The following KDM4C variants were observed in gnomAD, a reference collection of about 807,000 sequenced individuals.
KDM4C encodes the protein lysine-specific demethylase 4C.
In KDM4C, 81 loss-of-function variants were observed where a neutral mutation model predicts 129.3. The ratio of observed to expected loss-of-function variants is 0.63; its 90% confidence interval spans 0.52 to 0.75. The LOEUF (loss-of-function observed/expected upper bound fraction) is 0.75. Ranked by LOEUF, KDM4C falls within the 30% of genes least tolerant of loss-of-function variation. The pLI is 0.00. For synonymous variants in KDM4C, 573 were observed against 456.1 expected, an observed-to-expected ratio of 1.26 and a Z score of -3.26; for missense variants, 1,457 against 1,304.0, an observed-to-expected ratio of 1.12 and a Z score of -1.81.
chr9:6,805,711 A>G lies in KDM4C; in HGVS notation c.257A>G (p.Gln86Arg). 1 of 1,614,176 alleles carries G rather than the reference A, an allele frequency of 6.2e-7. No individual in the cohort carries two copies. Among genetic ancestry groups the G allele is most frequent in the Non-Finnish European group, 8.5e-7 (1 of 1,180,020 alleles). The change falls in exon 3 of 22, where the codon CAG becomes CGG. Residue 86 changes from glutamine (Q) to arginine (R), a missense_variant. Physicochemically the swap from Gln to Arg is conservative, Grantham distance 43. Coordinates refer to ENST00000381309, the MANE Select transcript of KDM4C (RefSeq NM_015061.6). ...MVTGQSGLFTQYNIQKKAMTV... is the reference protein window; with the variant it reads ...MVTGQSGLFTRYNIQKKAMTV... ...ACAGGGCAGTCAGGACTGTTCACTC[A>G]GTACAACATCCAGAAAAAAGCGATG...
intron 4 of KDM4C, among the ~76,000 whole-genome samples, chr9:6,844,135 G>A (rs138777906): frequency 7.2e-5 from 11 of 152,094 alleles, no homozygotes; most frequent in South Asian, 2.1e-4. Context: ...TCATTTTTAC[G>A]TACTTTTAAA....
At chr9:6,887,122 C>G (rs1244106282) in intron 6 of KDM4C, among the ~76,000 whole-genome samples, 2 of 152,146 alleles carry the variant, frequency 1.3e-5, no homozygotes, top group African/African-American at 4.8e-5. Flanking sequence ...CTGTCTTTTC[C>G]TTGTTTCTTG....
At position 6,926,341 on chromosome 9, in the gene KDM4C, T is replaced by TAAAA. The variant is rs33974740; in HGVS notation, c.921+33120_921+33123dup. Among the ~76,000 whole-genome samples the TAAAA allele has an allele frequency of 2.8e-3, 300 of 107,386 alleles. 5 individuals are homozygous for TAAAA. The highest frequency in any genetic ancestry group is 0.02 in the South Asian group (57 of 2,786). 70.4% of individuals were successfully genotyped at this position (107,386 alleles called of 152,430 possible). The stretch of plus-strand genomic sequence containing the variant: ...GAAGCAGTTGTAGAGAGATAATTTG[T>TAAAA]AAAAAAAAAAAAAAGGACCAAAATA... On this transcript the variant is annotated intron_variant, in intron 8 of 21. Transcript: ENST00000381309.
Position 6,893,136 on chromosome 9 carries a change from T to C in KDM4C, c.825T>C (p.Tyr275=), listed in dbSNP as rs753924625. ...EAGEFMITFP[Y]GYHAGFNHGF... Reference sequence around the variant, plus strand: ...GAGAATTCATGATCACTTTCCCATATGGCTACCATGCTGGTTTTAATCATG... The same window carrying C: ...GAGAATTCATGATCACTTTCCCATACGGCTACCATGCTGGTTTTAATCATG... Residue 275 remains tyrosine (Y), a synonymous_variant, in exon 8 of 22, where the codon TAT becomes TAC. Coordinates refer to ENST00000381309, the MANE Select transcript of KDM4C (RefSeq NM_015061.6). 1.9e-6 allele frequency: 3 copies of C among 1,601,184 alleles called. No individual in the cohort carries two copies. The highest frequency in any genetic ancestry group is 8.5e-7 in the Non-Finnish European group (1 of 1,173,334).
chr9:6,805,889 T>C, intron 3 of KDM4C, 115 bp downstream of exon 3: 1 of 910,804 alleles, frequency 1.1e-6, no homozygotes, highest in Non-Finnish European at 1.6e-6. Flanking sequence ...CCATGCAATT[T>C]TTCACCCTTC....
At chr9:7,041,046 T>C (rs1828513825) in intron 15 of KDM4C, among the ~76,000 whole-genome samples, 1 of 151,688 alleles carries the variant, frequency 6.6e-6, no homozygotes, top group Non-Finnish European at 1.5e-5. Context: ...TCCCTAGATC[T>C]GTATTGGTTT....
In KDM4C at chr9:6,734,718, A is replaced by T. The variant is rs368190440; in HGVS notation, c.49+13721A>T. On this transcript the variant is annotated intron_variant, in intron 1 of 17. Coordinates refer to the KDM4C transcript ENST00000536108. ...TTATGGCTTCCTGAGTCAAAATAGG[A>T]TTTTTTCTGTGTCCTGAGGATGTGA... 8.5e-5 allele frequency: 26 copies of T among 304,768 alleles called. No individual in the cohort carries two copies. The East Asian group carries it at 1.2e-3, about 15-fold the overall frequency. 18.9% of individuals were successfully genotyped at this position (304,768 alleles called of 1,614,324 possible).
intron 1 of KDM4C, among the ~76,000 whole-genome samples, chr9:6,744,176 T>A (rs116192566): frequency 0.058 from 8,720 of 151,618 alleles, 865 homozygotes; most frequent in African/African-American, 0.2. Flanking sequence ...TGGAAAAAAA[T>A]TATTTCCAAA....
chr9:6,876,923 C>G (rs1843651650), intron 5 of KDM4C, among the ~76,000 whole-genome samples: 1 of 152,170 alleles, frequency 6.6e-6, no homozygotes, highest in Non-Finnish European at 1.5e-5. Flanking sequence ...AATCTATCAT[C>G]CGACATCAGG....
intron 17 of KDM4C, among the ~76,000 whole-genome samples, chr9:7,072,169 C>T (rs1045700273): frequency 1.3e-5 from 2 of 152,112 alleles, no homozygotes; most frequent in South Asian, 2.1e-4. Flanking sequence ...GTGATGCTGA[C>T]GTTTAGCAAC....
chr9:6,925,210 C>A (rs988876815), intron 8 of KDM4C: 1 of 985,256 alleles, frequency 1.0e-6, no homozygotes, highest in East Asian at 1.1e-4. Context: ...GGCGATACAG[C>A]TCATGTGAGA....
At position 6,896,488 on chromosome 9, in the gene KDM4C, TAA is replaced by T. The variant is rs1491186095; in HGVS notation, c.921+3260_921+3261del. On this transcript the variant is annotated intron_variant, in intron 8 of 21. Coordinates refer to ENST00000381309, the MANE Select transcript of KDM4C (RefSeq NM_015061.6). ...ACACTATGAAATATATATATATATA[TAA>T]AAATATAATTTTGTGTAATACAAAC... Among the ~76,000 whole-genome samples the T allele has an allele frequency of 4.0e-3, 608 of 150,748 alleles. 3 individuals are homozygous for T. The highest frequency in any genetic ancestry group is 0.014 in the African/African-American group (577 of 41,270).
chr9:6,990,760 G>C (rs1334362838), intron 12 of KDM4C, among the ~76,000 whole-genome samples: 1 of 152,098 alleles, frequency 6.6e-6, no homozygotes, highest in African/African-American at 2.4e-5. Context: ...TTATGTCATG[G>C]GGTAAAATCA....
At chr9:7,018,552 C>T (rs1401428710) in intron 15 of KDM4C, among the ~76,000 whole-genome samples, 2 of 152,150 alleles carry the variant, frequency 1.3e-5, no homozygotes, top group Non-Finnish European at 2.9e-5. Context: ...ATCTCCTTCG[C>T]CCTGAATCAT....
intron 4 of KDM4C, among the ~76,000 whole-genome samples, chr9:6,837,596 A>G (rs2129696985): frequency 6.6e-6 from 1 of 152,326 alleles, no homozygotes; most frequent in East Asian, 1.9e-4. Context: ...TCTGATTAAA[A>G]ATGGCTTAGA....
intron 8 of KDM4C, among the ~76,000 whole-genome samples, chr9:6,937,096 A>G (rs772063865): frequency 1.3e-5 from 2 of 152,228 alleles, no homozygotes; most frequent in African/African-American, 2.4e-5. Context: ...AAGTTATTGT[A>G]GTCAATCAGA....
intron 13 of KDM4C, among the ~76,000 whole-genome samples, chr9:7,012,743 A>T (rs1822940278): frequency 6.6e-6 from 1 of 152,190 alleles, no homozygotes; most frequent in Admixed American, 6.5e-5. Flanking sequence ...ATTTTTAGGA[A>T]TCTCGTAAGG....
At chr9:7,062,967 C>G (rs1206212718) in intron 17 of KDM4C, among the ~76,000 whole-genome samples, 1 of 152,012 alleles carries the variant, frequency 6.6e-6, no homozygotes, top group Non-Finnish European at 1.5e-5. Context: ...TTATGGAAAA[C>G]TAGACCTAAG....
At chr9:7,164,350 T>TAAAAAAAAAAAAA (rs113564814) in intron 19 of KDM4C, among the ~76,000 whole-genome samples, 8 of 148,340 alleles carry the variant, frequency 5.4e-5, no homozygotes, top group Non-Finnish European at 4.5e-5. Flanking sequence ...TGCCACGCCT[T>TAAAAAAAAAAAAA]AAAAAAACAA....
Sources: gnomAD v4.1 joint callset for allele counts (sites outside exome capture counted in the v4.1 genomes callset) on GRCh38, gnomAD v4.1.1 for gene constraint, MANE v1.5 for transcripts, NCBI Gene and HGNC (gene_info 2026-07-23, HGNC 2026-07-21) for gene names.